RYR3: variants seen among roughly 807,000 people sequenced by gnomAD.
The protein encoded by RYR3 is ryanodine receptor 3.
A neutral mutation model predicts 584.3 loss-of-function variants in RYR3; 207 were observed. That is an observed-to-expected ratio of 0.35 (90% CI 0.32 to 0.40). The LOEUF (loss-of-function observed/expected upper bound fraction) is 0.40. RYR3 is among the 10% of genes least tolerant of loss of function. RYR3 has a pLI of 1.00. For synonymous variants in RYR3, 2,416 were observed against 2,248.5 expected (o/e 1.07, Z -2.11); for missense variants, 5,616 against 6,089.2 (o/e 0.92, Z 2.59).
chr15:33,732,810 A>G (rs2069082086), intron 48 of RYR3, among the ~76,000 whole-genome samples: 1 of 152,196 alleles, frequency 6.6e-6, no homozygotes, highest in Non-Finnish European at 1.5e-5. Context: ...TGATTCCAAT[A>G]TGTAGTCCAG....
chr15:33,482,064 C>G (rs2050023353), intron 2 of RYR3, among the ~76,000 whole-genome samples: 1 of 152,086 alleles, frequency 6.6e-6, no homozygotes, highest in African/African-American at 2.4e-5. Flanking sequence ...ATCCAGATTT[C>G]TATCTGGTAG....
chr15:33,537,307 C>A (rs940682087), intron 5 of RYR3, among the ~76,000 whole-genome samples: 4 of 152,278 alleles, frequency 2.6e-5, no homozygotes, highest in East Asian at 1.9e-4. Context: ...ATTTCTGTTG[C>A]CTTGCCCTAG....
chr15:33,490,349 C>T (rs2050860167), intron 2 of RYR3, among the ~76,000 whole-genome samples: 1 of 152,196 alleles, frequency 6.6e-6, no homozygotes, highest in South Asian at 2.1e-4. Context: ...ACCTAATGCT[C>T]TGTTTCTTCT....
chr15:33,738,555 C>A lies in RYR3; in HGVS notation c.7621C>A (p.Leu2541Ile), dbSNP rs760687309. The A allele has an allele frequency of 1.8e-5, 29 of 1,613,850 alleles. No individual in the cohort carries two copies. Among genetic ancestry groups the A allele is most frequent in the African/African-American group, 2.7e-5 (2 of 74,902 alleles). ...AGAAGAGCTGCACCTAACGGAGAAG[C>A]TTTTCTGGGGGATTTTTGACTCGCT... ...VEEELHLTEK[L>I]FWGIFDSLSH... is the part of the protein sequence containing the mutation. Residue 2541 changes from leucine to isoleucine, a missense_variant, in exon 50 of 104, where the codon CTT (leucine) becomes ATT (isoleucine). Physicochemically the swap from Leu to Ile is conservative, Grantham distance 5. Around this residue, in one of 9 missense-constraint regions of RYR3, gnomAD observed 1,280 missense variants for 1,426.2 expected, o/e 0.90. Transcript: ENST00000634891.
intron 38 of RYR3, among the ~76,000 whole-genome samples, chr15:33,695,213 C>G: frequency 6.6e-6 from 1 of 152,218 alleles, no homozygotes; most frequent in East Asian, 1.9e-4. Context: ...TTAAGAGCAG[C>G]ATGTCTCACC....
At position 33,838,768 on chromosome 15, in the gene RYR3, A is replaced by T. The variant is rs1567289597; in HGVS notation, c.12788A>T (p.Glu4263Val). The T allele has an allele frequency of 3.7e-6, 6 of 1,613,880 alleles. No homozygotes were observed. The highest frequency in any genetic ancestry group is 5.1e-6 in the Non-Finnish European group (6 of 1,179,844). The part of the protein sequence containing the change: ...AEVMEPGITT[E>V]LVHFIKGEKG... ...GTGATGGAGCCAGGTATCACCACTG[A>T]ACTAGTACACTTCATAAAGGGGGAG... The change falls in exon 89 of 104, where the codon GAA becomes GTA. Residue 4263 changes from glutamate (E) to valine (V), a missense_variant. This residue lies in a region of RYR3 where 918 missense variants were observed against 887.4 expected (regional missense o/e 1.03). Coordinates refer to ENST00000634891, the MANE Select transcript of RYR3 (RefSeq NM_001036.6).
At chr15:33,762,310 C>T (rs2072530277) in intron 60 of RYR3, among the ~76,000 whole-genome samples, 1 of 152,142 alleles carries the variant, frequency 6.6e-6, no homozygotes, top group African/African-American at 2.4e-5. Flanking sequence ...GAGAGAAAGG[C>T]AAATCATCTC....
intron 12 of RYR3, 104 bp downstream of exon 12, chr15:33,566,903 T>C (rs1467475909): frequency 7.8e-7 from 1 of 1,278,058 alleles, no homozygotes; most frequent in African/African-American, 1.5e-5. Flanking sequence ...CAGGAAATAA[T>C]GATACACCAG....
At chr15:33,524,802 C>A (rs769736150) in intron 3 of RYR3, among the ~76,000 whole-genome samples, 2 of 152,026 alleles carry the variant, frequency 1.3e-5, no homozygotes, top group Non-Finnish European at 2.9e-5. Context: ...TTCTAATATG[C>A]GTCATTTATT....
In RYR3 at chr15:33,533,317, A is replaced by G. The variant is rs1211317374; in HGVS notation, c.361A>G (p.Thr121Ala). Residue 121 changes from threonine to alanine, a missense_variant, in exon 5 of 104, where the codon ACA becomes GCA. Coordinates refer to ENST00000634891, the MANE Select transcript of RYR3 (RefSeq NM_001036.6). ...ATTTGCTCTTCTTTCACAGTATCTA[A>G]CATGCTTGACTACATCAAGATCCCA... ...LRHSFSGMYL[T>A]CLTTSRSQTD... The G allele has an allele frequency of 6.2e-7, 1 of 1,602,400 alleles. No individual in the cohort carries two copies. Among genetic ancestry groups the G allele is most frequent in the Non-Finnish European group, 8.5e-7 (1 of 1,173,812 alleles).
rs770836948 is a variant in RYR3, at chr15:33,838,853, C to T, written c.12873C>T (p.Ser4291=). 1.1e-5 allele frequency: 17 copies of T among 1,613,934 alleles called. No homozygotes were observed. Among genetic ancestry groups the T allele is most frequent in the Non-Finnish European group, 9.3e-6 (11 of 1,179,868 alleles). Residue 4291 remains serine, a synonymous_variant, in exon 89 of 104, where the codon AGC becomes AGT. Coordinates refer to ENST00000634891, the MANE Select transcript of RYR3 (RefSeq NM_001036.6). ...LFGLHPKKEG[S]LKHGPEVGLG... Reference sequence around the variant, plus strand: ...GACTCCACCCAAAGAAAGAGGGCAGCTTAAAGCATGGGCCTGAAGTGGGTT... The same window carrying T: ...GACTCCACCCAAAGAAAGAGGGCAGTTTAAAGCATGGGCCTGAAGTGGGTT...
chr15:33,770,931 T>C (rs1425702280), intron 62 of RYR3, among the ~76,000 whole-genome samples: 5 of 152,248 alleles, frequency 3.3e-5, no homozygotes, highest in Non-Finnish European at 5.9e-5. Context: ...AACTTATAGA[T>C]GACTTGTAAG....
intron 2 of RYR3, among the ~76,000 whole-genome samples, chr15:33,499,356 C>G (rs955016533): frequency 2.0e-5 from 3 of 151,914 alleles, no homozygotes; most frequent in Non-Finnish European, 2.9e-5. Flanking sequence ...TCTCTCCTCT[C>G]CATTCCAGAC....
At position 33,337,983 on chromosome 15, in the gene RYR3, C is replaced by T. The variant is rs189289430; in HGVS notation, c.51+26887C>T. On this transcript the variant is annotated intron_variant, in intron 1 of 103. Coordinates refer to ENST00000634891, the MANE Select transcript of RYR3 (RefSeq NM_001036.6). ...TTTTTGAGACTGAGTCTCACTCTGTCGCCCAGGCTAGAGTGCAGTGGCGCG... is the reference window on the plus strand; with the variant it reads ...TTTTTGAGACTGAGTCTCACTCTGTTGCCCAGGCTAGAGTGCAGTGGCGCG... Among the ~76,000 whole-genome samples the T allele has an allele frequency of 1.8e-3, 228 of 127,966 alleles. 1 individual carries two copies. Among genetic ancestry groups the T allele is most frequent in the African/African-American group, 6.5e-3 (213 of 32,682 alleles). 84.0% of individuals were successfully genotyped at this position (127,966 alleles called of 152,430 possible).
At chr15:33,356,874 AT>A (rs1974054083) in intron 1 of RYR3, among the ~76,000 whole-genome samples, 1 of 152,216 alleles carries the variant, frequency 6.6e-6, no homozygotes. Context: ...TAATTATAAT[AT>A]GGAAAAATAG....
At chr15:33,654,198 T>G (rs2062683171) in intron 32 of RYR3, among the ~76,000 whole-genome samples, 1 of 152,126 alleles carries the variant, frequency 6.6e-6, no homozygotes, top group African/African-American at 2.4e-5. Flanking sequence ...AAATCTTGAT[T>G]TATTTATTTT....
intron 30 of RYR3, 132 bp downstream of exon 30, chr15:33,647,592 T>C (rs1252438552): frequency 4.6e-6 from 3 of 649,264 alleles, no homozygotes; most frequent in Non-Finnish European, 8.1e-6. Context: ...AATATCCATC[T>C]TGATGCTTCC....
chr15:33,706,961 A>G lies in RYR3; in HGVS notation c.6526A>G (p.Met2176Val), dbSNP rs1436132245. 3.0e-5 allele frequency: 48 copies of G among 1,612,428 alleles called. No homozygotes were observed. Among genetic ancestry groups the G allele is most frequent in the Non-Finnish European group, 3.7e-5 (44 of 1,179,304 alleles). Reference protein sequence around the residue: ...LAGCGLQSCPMLLAKGYPDVG... With the variant: ...LAGCGLQSCPVLLAKGYPDVG... ...AGGCTGTGGCCTACAGAGCTGCCCCATGCTTCTGGCCAAAGGATACCCTGA... is the reference window on the plus strand; with the variant it reads ...AGGCTGTGGCCTACAGAGCTGCCCCGTGCTTCTGGCCAAAGGATACCCTGA... Residue 2176 changes from methionine (M) to valine (V), a missense_variant, in exon 43 of 104, where the codon ATG (methionine) becomes GTG (valine). Transcript: ENST00000634891.
At chr15:33,559,024 G>A (rs555086680) in intron 10 of RYR3, among the ~76,000 whole-genome samples, 1 of 152,306 alleles carries the variant, frequency 6.6e-6, no homozygotes, top group East Asian at 1.9e-4. Context: ...TGGAGCATGG[G>A]AGTTGCTATT....
Sources: allele counts gnomAD v4.1 joint callset (sites outside exome capture counted in the v4.1 genomes callset), GRCh38; gene constraint gnomAD v4.1.1; regional missense constraint gnomAD v4.1.1; transcripts MANE v1.5; gene names NCBI Gene and HGNC (gene_info 2026-07-23, HGNC 2026-07-21).